Variants in METTL23 observed in about 807,000 individuals in gnomAD.
The protein encoded by METTL23 is histone-arginine methyltransferase METTL23.
METTL23 carries 24 observed loss-of-function variants against 21.2 expected under a neutral mutation model. That is an observed-to-expected ratio of 1.13 (90% CI 0.82 to 1.59). METTL23 has a LOEUF of 1.59. Ranked by LOEUF, METTL23 falls within the 40% of genes most tolerant of loss-of-function variation. METTL23 has a pLI of 0.00. For missense variants in METTL23, 276 were observed against 221.4 expected (o/e 1.25, Z -1.57); for synonymous variants, 97 against 75.2 (o/e 1.29, Z -1.50).
Position 76,728,914 on chromosome 17 carries a change from C to T in METTL23, c.-21-776C>T, listed in dbSNP as rs946022827. Among the ~76,000 whole-genome samples the T allele has an allele frequency of 3.3e-5, 5 of 149,862 alleles. No individual in the cohort carries two copies. In the East Asian group the frequency reaches 5.9e-4, roughly 18 times the overall value. ...GTTCACGCCATTTTCCTGTCTCAGCCTCCGGAGTAGCTGGGACTACAGGTG... is the reference window on the plus strand; with the variant it reads ...GTTCACGCCATTTTCCTGTCTCAGCTTCCGGAGTAGCTGGGACTACAGGTG... On this transcript the variant is annotated intron_variant, in intron 1 of 4. Coordinates refer to ENST00000341249, the MANE Select transcript of METTL23 (RefSeq NM_001080510.5).
chr17:76,729,915 T>G, intron 2 of METTL23, 121 bp downstream of exon 2: 1 of 717,696 alleles, frequency 1.4e-6, no homozygotes, highest in Non-Finnish European at 2.4e-6. Flanking sequence ...ATTTAGCTAG[T>G]TTGTAAGGTC....
At position 76,726,944 on chromosome 17, in the gene METTL23, C is replaced by A. The variant is rs1239011186; in HGVS notation, c.-256C>A. ...CAGCGCGGCAGGGTTATCACCAGAT[C>A]TGGGCTTTCCCCTTCTTGCCGTCAG... On this transcript the variant is annotated 5_prime_UTR_variant, in exon 1 of 5. It adds an upstream start codon to the 5' untranslated region. Transcript: ENST00000341249. The A allele has an allele frequency of 2.2e-6, 1 of 456,854 alleles. No homozygotes were observed. Among genetic ancestry groups the A allele is most frequent in the African/African-American group, 2.0e-5 (1 of 50,114 alleles). The allele number at this position is 456,854 out of a possible 1,614,324, so 28.3% of individuals were successfully genotyped here.
At position 76,727,052 on chromosome 17, in the gene METTL23, G is replaced by A. The variant is rs1425069813; in HGVS notation, c.-148G>A. ...TTCCGCGGTCCCCCGCCCGCCCGGG[G>A]CCCAACGACGCCCTACTGGGCGAGC... On this transcript the variant is annotated 5_prime_UTR_variant, in exon 1 of 5. Transcript: ENST00000341249. 4 of 454,818 alleles carry A rather than the reference G, an allele frequency of 8.8e-6. No individual in the cohort carries two copies. The highest frequency in any genetic ancestry group is 8.8e-6 in the Non-Finnish European group (2 of 226,180). 28.2% of individuals were successfully genotyped at this position (454,818 alleles called of 1,614,324 possible).
chr17:76,728,443 C>T (rs1440867099), intron 1 of METTL23, among the ~76,000 whole-genome samples: 14 of 15,280 alleles, frequency 9.2e-4, no homozygotes, highest in African/African-American at 3.5e-3. Context: ...GATGGAGTCT[C>T]GCTCTGTCAC....
At position 76,726,990 on chromosome 17, in the gene METTL23, G is replaced by A. The variant is rs1263813511; in HGVS notation, c.-210G>A. On this transcript the variant is annotated 5_prime_UTR_variant, in exon 1 of 5. Transcript: ENST00000341249. ...GTCAGGTGCTACGGCCACGTGGCCC[G>A]CGGCTTCCCGCTCGCGCAGTCTGGC... 1 of 456,430 alleles carries A rather than the reference G, an allele frequency of 2.2e-6. No individual in the cohort carries two copies. Among genetic ancestry groups the A allele is most frequent in the Non-Finnish European group, 4.4e-6 (1 of 226,814 alleles). The allele number at this position is 456,430 out of a possible 1,614,324, so 28.3% of individuals were successfully genotyped here.
chr17:76,728,801 T>TTC, intron 1 of METTL23, among the ~76,000 whole-genome samples: 1 of 149,652 alleles, frequency 6.7e-6, no homozygotes, highest in East Asian at 2.0e-4. Context: ...CCTTTTTTTT[T>TTC]TTTTTTTTTG....
At chr17:76,727,448 C>T (rs746876768) in intron 1 of METTL23, 5 of 215,240 alleles carry the variant, frequency 2.3e-5, no homozygotes, top group South Asian at 5.2e-5. Flanking sequence ...GATCCTCCTG[C>T]CTCGGCCTCC....
intron 2 of METTL23, among the ~76,000 whole-genome samples, chr17:76,731,268 G>T (rs1040513793): frequency 4.6e-5 from 7 of 152,088 alleles, no homozygotes; most frequent in Non-Finnish European, 2.9e-5. Flanking sequence ...GAGCGAGACT[G>T]CATCTCAAAA....
rs138629826 is a variant in METTL23, at chr17:76,730,184, C to G, written c.84+390C>G. Among the ~76,000 whole-genome samples the G allele has an allele frequency of 1.8e-3, 271 of 151,334 alleles. 1 individual carries two copies. The highest frequency in any genetic ancestry group is 6.2e-3 in the African/African-American group (256 of 41,178). ...GTGCACGCCTGTAATCCCAGCTACTCGGGAGGCTGAAACAGAATTGCTTGA... is the reference window on the plus strand; with the variant it reads ...GTGCACGCCTGTAATCCCAGCTACTGGGGAGGCTGAAACAGAATTGCTTGA... On this transcript the variant is annotated intron_variant, in intron 2 of 4. Transcript: ENST00000341249.
Position 76,733,385 on chromosome 17 carries a change from TG to T in METTL23, c.407+10del. On this transcript the variant is annotated intron_variant, in intron 4 of 4. Transcript: ENST00000341249. ...TACTTATCAAGTTAGGAGGCAAGTA[TG>T]GATGACCCTTACTTTTTATATGTAA... The T allele has an allele frequency of 6.2e-7, 1 of 1,612,576 alleles. No individual in the cohort carries two copies. Among genetic ancestry groups the T allele is most frequent in the South Asian group, 1.1e-5 (1 of 90,914 alleles).
Position 76,732,836 on chromosome 17 carries a change from T to TA in METTL23, c.85-141dup, listed in dbSNP as rs2077283676. 7 of 680,036 alleles carry TA rather than the reference T, an allele frequency of 1.0e-5. No individual in the cohort carries two copies. In the South Asian group the frequency reaches 1.3e-4, roughly 13 times the overall value. 42.1% of individuals were successfully genotyped at this position (680,036 alleles called of 1,614,324 possible). ...TGTCATGTTTATAGTAATGTTCAGTTACGGTACATTTTATACAAACCCAGA... is the reference window on the plus strand; with the variant it reads ...TGTCATGTTTATAGTAATGTTCAGTTAACGGTACATTTTATACAAACCCAGA... On this transcript the variant is annotated intron_variant, in intron 2 of 4. Transcript: ENST00000341249.
chr17:76,727,038 C>T lies in METTL23; in HGVS notation c.-162C>T, dbSNP rs1250941333. 2.2e-6 allele frequency: 1 copy of T among 455,084 alleles called. No individual in the cohort carries two copies. Among genetic ancestry groups the T allele is most frequent in the South Asian group, 1.6e-5 (1 of 64,486 alleles). 28.2% of individuals were successfully genotyped at this position (455,084 alleles called of 1,614,324 possible). ...GGCAGCCCGGAGCCTTCCGCGGTCC[C>T]CCGCCCGCCCGGGGCCCAACGACGC... On this transcript the variant is annotated 5_prime_UTR_variant, in exon 1 of 5. Transcript: ENST00000341249.
At chr17:76,730,584 T>G (rs898784598) in intron 2 of METTL23, among the ~76,000 whole-genome samples, 8 of 152,216 alleles carry the variant, frequency 5.3e-5, no homozygotes, top group Admixed American at 3.3e-4. Context: ...AGGCCATTGT[T>G]TTAGGTGTCC....
At chr17:76,731,628 C>G (rs1238862069) in intron 2 of METTL23, among the ~76,000 whole-genome samples, 1 of 152,192 alleles carries the variant, frequency 6.6e-6, no homozygotes, top group Non-Finnish European at 1.5e-5. Context: ...TTTCTAACCT[C>G]ACTACCTGGC....
At position 76,733,691 on chromosome 17, in the gene METTL23, T is replaced by TAC. The variant is rs779703561; in HGVS notation, c.*6_*7dup. 6 of 1,611,258 alleles carry TAC rather than the reference T, an allele frequency of 3.7e-6. No individual in the cohort carries two copies. Among genetic ancestry groups the TAC allele is most frequent in the Non-Finnish European group, 5.1e-6 (6 of 1,178,672 alleles). On this transcript the variant is annotated 3_prime_UTR_variant, in exon 5 of 5. Transcript: ENST00000341249. Reference sequence around the variant, plus strand: ...TTTGCAAAGGACAGTCTCTGAATTATACCTACAACCTGTTCTGGGACAGTA... The same window carrying TAC: ...TTTGCAAAGGACAGTCTCTGAATTATACACCTACAACCTGTTCTGGGACAGTA...
At chr17:76,729,655 A>C (rs1366167007) in intron 1 of METTL23, 35 bp from the exon 2 acceptor site, 3 of 1,404,798 alleles carry the variant, frequency 2.1e-6, no homozygotes, top group Admixed American at 2.0e-5. Context: ...TCCAGCAGCT[A>C]AATTATTTAT....
chr17:76,726,548 C>G (rs1020257817), upstream of METTL23: 5 of 1,502,448 alleles, frequency 3.3e-6, no homozygotes, highest in East Asian at 5.0e-5. Context: ...CACCCCTCCC[C>G]GGCCTGGGCG....
upstream of METTL23, chr17:76,726,411 T>C (rs1381935468): frequency 6.2e-7 from 1 of 1,604,374 alleles, no homozygotes; most frequent in Non-Finnish European, 8.5e-7. Context: ...ATCCAGCGAG[T>C]CCTTGAGCTC....
chr17:76,726,781 T>A (rs2076951769), upstream of METTL23: 1 of 419,596 alleles, frequency 2.4e-6, no homozygotes, highest in Non-Finnish European at 4.6e-6. Context: ...TCACGTCGGC[T>A]GCGTCACCGC....
Sources: allele counts gnomAD v4.1 joint callset (sites outside exome capture counted in the v4.1 genomes callset), GRCh38; gene constraint gnomAD v4.1.1; transcripts MANE v1.5; gene names NCBI Gene and HGNC (gene_info 2026-07-23, HGNC 2026-07-21).